The following KIAA1328 variants were observed in gnomAD, a reference collection of about 807,000 sequenced individuals.
KIAA1328 encodes the protein KIAA1328, also known as protein hinderin.
Under a neutral mutation model 68.1 loss-of-function variants are expected in KIAA1328, and 52 were observed. The ratio of observed to expected loss-of-function variants is 0.76; its 90% CI spans 0.61 to 0.96. The LOEUF (loss-of-function observed/expected upper bound fraction) is 0.96. Among genes scored for constraint, KIAA1328 ranks in the 40% least tolerant of loss-of-function variants. The pLI, the probability that KIAA1328 is intolerant of heterozygous loss-of-function variation, is 0.00. For missense variants in KIAA1328, 641 were observed against 677.6 expected (o/e 0.95, Z 0.60); for synonymous variants, 232 against 239.4 (o/e 0.97, Z 0.28).
At chr18:36,911,286 G>A (rs920111003) in intron 5 of KIAA1328, among the ~76,000 whole-genome samples, 16 of 152,074 alleles carry the variant, frequency 1.1e-4, no homozygotes, top group Non-Finnish European at 1.6e-4. Flanking sequence ...GGCATTTTTA[G>A]CCTGTTATTC....
At chr18:37,167,466 G>A (rs1403539130) in intron 8 of KIAA1328, among the ~76,000 whole-genome samples, 1 of 152,122 alleles carries the variant, frequency 6.6e-6, no homozygotes, top group Admixed American at 6.5e-5. Context: ...GAAGGGGGAT[G>A]GAGTGGGAAG....
intron 4 of KIAA1328, among the ~76,000 whole-genome samples, chr18:36,857,501 CT>C (rs932066628): frequency 2.0e-4 from 30 of 152,186 alleles, no homozygotes; most frequent in African/African-American, 7.2e-4. Flanking sequence ...ACCAGCAAGC[CT>C]CACCAAGATT....
intron 7 of KIAA1328, among the ~76,000 whole-genome samples, chr18:37,103,214 T>C (rs907260886): frequency 1.3e-5 from 2 of 152,076 alleles, no homozygotes; most frequent in Admixed American, 1.3e-4. Context: ...GCAAAAGCAA[T>C]ACCGAGCAAA....
intron 7 of KIAA1328, among the ~76,000 whole-genome samples, chr18:37,088,270 CTT>C (rs1308337076): frequency 1.2e-4 from 18 of 152,082 alleles, no homozygotes. Flanking sequence ...GGTTTTATAA[CTT>C]TTTTGTTCTT....
At chr18:36,945,916 G>A (rs1403591299) in intron 5 of KIAA1328, among the ~76,000 whole-genome samples, 2 of 152,246 alleles carry the variant, frequency 1.3e-5, no homozygotes, top group East Asian at 1.9e-4. Context: ...AAATTCTTGA[G>A]GCCAGAAGTG....
chr18:36,898,330 A>G (rs1227347480), intron 5 of KIAA1328, among the ~76,000 whole-genome samples: 1 of 151,914 alleles, frequency 6.6e-6, no homozygotes, highest in African/African-American at 2.4e-5. Context: ...TTTTTTGATT[A>G]TTTGAGGAGC....
chr18:36,871,398 C>A (rs1299869105), intron 4 of KIAA1328, among the ~76,000 whole-genome samples: 1 of 152,070 alleles, frequency 6.6e-6, no homozygotes, highest in Non-Finnish European at 1.5e-5. Context: ...AATTGACATG[C>A]CTTTTTGCTG....
chr18:37,115,749 G>A (rs980567875), intron 7 of KIAA1328, among the ~76,000 whole-genome samples: 19 of 152,152 alleles, frequency 1.2e-4, no homozygotes, highest in African/African-American at 4.8e-5. Flanking sequence ...TGACATGATT[G>A]TATATCTAGA....
At chr18:36,852,725 C>A (rs892029892) in intron 4 of KIAA1328, among the ~76,000 whole-genome samples, 6 of 152,134 alleles carry the variant, frequency 3.9e-5, no homozygotes, top group African/African-American at 1.4e-4. Flanking sequence ...CTATGTTCAT[C>A]CCTATGTTCA....
intron 5 of KIAA1328, among the ~76,000 whole-genome samples, chr18:36,930,793 T>G (rs552983577): frequency 1.3e-5 from 2 of 152,146 alleles, no homozygotes; most frequent in East Asian, 3.9e-4. Context: ...TTGATTAAAT[T>G]AGATAAAAGT....
At chr18:36,990,982 T>C (rs1166318889) in intron 6 of KIAA1328, among the ~76,000 whole-genome samples, 1 of 152,182 alleles carries the variant, frequency 6.6e-6, no homozygotes, top group Non-Finnish European at 1.5e-5. Flanking sequence ...GATTTCTAGA[T>C]CTTCCAAAGA....
intron 7 of KIAA1328, among the ~76,000 whole-genome samples, chr18:37,120,700 G>T (rs2058247506): frequency 6.6e-6 from 1 of 152,062 alleles, no homozygotes; most frequent in Non-Finnish European, 1.5e-5. Flanking sequence ...CTGTGAAGTA[G>T]TTTTCTATTC....
chr18:37,000,109 A>C (rs755996666), intron 6 of KIAA1328, among the ~76,000 whole-genome samples: 2 of 152,160 alleles, frequency 1.3e-5, no homozygotes, highest in African/African-American at 2.4e-5. Flanking sequence ...TGCATACAAG[A>C]AACTCACCTA....
chr18:37,193,790 A>T, intron 9 of KIAA1328: 3 of 609,484 alleles, frequency 4.9e-6, no homozygotes, highest in Non-Finnish European at 8.7e-6. Flanking sequence ...GAACAAATTC[A>T]TAGGGTATAT....
intron 7 of KIAA1328, among the ~76,000 whole-genome samples, chr18:37,107,456 C>T (rs1005424806): frequency 5.9e-5 from 9 of 152,142 alleles, no homozygotes; most frequent in African/African-American, 2.2e-4. Flanking sequence ...GGCAGTATGA[C>T]AGTTTTTACT....
intron 6 of KIAA1328, among the ~76,000 whole-genome samples, chr18:36,988,283 A>G (rs937294225): frequency 5.9e-5 from 9 of 152,216 alleles, no homozygotes; most frequent in Non-Finnish European, 1.0e-4. Context: ...ATATAAGTGT[A>G]TATAGATTGA....
chr18:37,078,803 T>G (rs1195692853), intron 7 of KIAA1328, among the ~76,000 whole-genome samples: 15 of 150,454 alleles, frequency 1.0e-4, no homozygotes, highest in Admixed American at 9.9e-4. Context: ...CCAGTTAGAA[T>G]GGCAATCATT....
At chr18:37,185,883 C>G (rs2059787978) in intron 9 of KIAA1328, among the ~76,000 whole-genome samples, 1 of 151,742 alleles carries the variant, frequency 6.6e-6, no homozygotes, top group Admixed American at 6.6e-5. Flanking sequence ...TTCATTTTAG[C>G]ATTTTATATT....
chr18:36,985,192 T>G (rs2052865691), intron 6 of KIAA1328, among the ~76,000 whole-genome samples: 1 of 151,922 alleles, frequency 6.6e-6, no homozygotes, highest in African/African-American at 2.4e-5. Flanking sequence ...CCTAGATACT[T>G]GGGAGGCTGA....
Sources: allele counts gnomAD v4.1 joint callset (sites outside exome capture counted in the v4.1 genomes callset), GRCh38; gene constraint gnomAD v4.1.1; transcripts MANE v1.5; gene names NCBI Gene and HGNC (gene_info 2026-07-23, HGNC 2026-07-21).